HCN1: variants seen among roughly 807,000 people sequenced by gnomAD.
HCN1 encodes hyperpolarization activated cyclic nucleotide gated potassium channel 1.
Under a neutral mutation model 78.9 loss-of-function variants are expected in HCN1, and 13 were observed. The observed-to-expected ratio is 0.16, with a 90% confidence interval of 0.11 to 0.26. The LOEUF is 0.26. Among genes scored for constraint, HCN1 ranks in the 10% least tolerant of loss-of-function variants. HCN1 has a pLI of 1.00. For synonymous variants in HCN1, 552 were observed against 455.5 expected (o/e 1.21, Z -2.70); for missense variants, 810 against 1,154.3 (o/e 0.70, Z 4.32).
Position 45,695,801 on chromosome 5 carries a change from A to T in HCN1, c.293T>A (p.Phe98Tyr). 6.2e-7 allele frequency: 1 copy of T among 1,610,578 alleles called. No homozygotes were observed. The change falls in exon 1 of 8, where the codon TTC becomes TAC. Residue 98 changes from phenylalanine (F) to tyrosine (Y), a missense_variant. By Grantham distance (22) the Phe-to-Tyr change is conservative (BLOSUM62 3). This residue lies in a region of HCN1 where 170 missense variants were observed against 166.8 expected (regional missense o/e 1.02). Transcript: ENST00000303230. ...GACCCCGGGCTGCAGCATGGAGGTG[A>T]ACTGCCTCTGCATGAAGCCGTACTG... Reference protein sequence around the residue: ...RRQYGFMQRQFTSMLQPGVNK... With the variant: ...RRQYGFMQRQYTSMLQPGVNK...
intron 2 of HCN1, chr5:45,642,751 G>C (rs527397651): frequency 6.6e-6 from 1 of 152,108 alleles, no homozygotes; most frequent in Non-Finnish European, 1.5e-5. Flanking sequence ...GAAAAATCAG[G>C]TAGAGAGATT....
intron 5 of HCN1, among the ~76,000 whole-genome samples, chr5:45,307,249 G>A (rs1745754796): frequency 6.6e-6 from 1 of 152,088 alleles, no homozygotes; most frequent in African/African-American, 2.4e-5. Context: ...TAATACATAA[G>A]CTTTCTGTTT....
At chr5:45,565,574 G>A (rs891442518) in intron 2 of HCN1, among the ~76,000 whole-genome samples, 1 of 152,104 alleles carries the variant, frequency 6.6e-6, no homozygotes, top group East Asian at 1.9e-4. Context: ...TGTAATCCCA[G>A]CATTTTGGGA....
At chr5:45,542,277 T>G (rs1237191436) in intron 2 of HCN1, among the ~76,000 whole-genome samples, 2 of 152,176 alleles carry the variant, frequency 1.3e-5, no homozygotes, top group Non-Finnish European at 2.9e-5. Context: ...AGTTTTATTC[T>G]ATAGTATTCA....
chr5:45,418,996 T>C (rs1740172337), intron 3 of HCN1, among the ~76,000 whole-genome samples: 1 of 152,170 alleles, frequency 6.6e-6, no homozygotes, highest in Admixed American at 6.6e-5. Flanking sequence ...CAATTCCACT[T>C]GCATTTGTGC....
intron 2 of HCN1, among the ~76,000 whole-genome samples, chr5:45,464,494 A>T (rs890075262): frequency 8.5e-5 from 13 of 152,104 alleles, no homozygotes; most frequent in Non-Finnish European, 1.8e-4. Flanking sequence ...CATTAATATT[A>T]TGTGTTCAAA....
chr5:45,440,226 G>A (rs1249457750), intron 3 of HCN1, among the ~76,000 whole-genome samples: 1 of 151,760 alleles, frequency 6.6e-6, no homozygotes, highest in Non-Finnish European at 1.5e-5. Flanking sequence ...AGGAAATCAA[G>A]TTTACCTTCA....
At chr5:45,462,748 C>G (rs562584952) in intron 2 of HCN1, among the ~76,000 whole-genome samples, 4 of 151,936 alleles carry the variant, frequency 2.6e-5, no homozygotes, top group African/African-American at 9.7e-5. Flanking sequence ...AACATTATGA[C>G]AAATCAACAT....
intron 6 of HCN1, among the ~76,000 whole-genome samples, chr5:45,290,650 T>A (rs534239003): frequency 1.3e-5 from 2 of 152,106 alleles, no homozygotes; most frequent in African/African-American, 4.8e-5. Context: ...TAAAGGTGGC[T>A]CCAAAAGTAG....
chr5:45,455,205 G>A (rs1741005502), intron 3 of HCN1, among the ~76,000 whole-genome samples: 2 of 151,974 alleles, frequency 1.3e-5, no homozygotes, highest in South Asian at 4.1e-4. Context: ...ATTTTCAAGG[G>A]AACACAGTTT....
At chr5:45,607,743 G>A (rs1744751528) in intron 2 of HCN1, among the ~76,000 whole-genome samples, 1 of 151,522 alleles carries the variant, frequency 6.6e-6, no homozygotes, top group South Asian at 2.1e-4. Context: ...GCAACTTACT[G>A]CCTTTAATAA....
At chr5:45,441,027 A>G (rs1740667333) in intron 3 of HCN1, among the ~76,000 whole-genome samples, 1 of 152,190 alleles carries the variant, frequency 6.6e-6, no homozygotes, top group Non-Finnish European at 1.5e-5. Context: ...TTCTTTTTCC[A>G]GATATTAGCA....
At chr5:45,313,763 A>T (rs1745912196) in intron 5 of HCN1, among the ~76,000 whole-genome samples, 1 of 152,242 alleles carries the variant, frequency 6.6e-6, no homozygotes, top group Non-Finnish European at 1.5e-5. Flanking sequence ...AAGAAAGGGT[A>T]TCTGTGACTG....
At chr5:45,552,274 A>G (rs1743384430) in intron 2 of HCN1, among the ~76,000 whole-genome samples, 1 of 152,016 alleles carries the variant, frequency 6.6e-6, no homozygotes, top group Non-Finnish European at 1.5e-5. Flanking sequence ...TGTACTTCCC[A>G]TTTCTCAAAC....
intron 3 of HCN1, among the ~76,000 whole-genome samples, chr5:45,429,146 A>G (rs1740413372): frequency 6.6e-6 from 1 of 152,212 alleles, no homozygotes; most frequent in African/African-American, 2.4e-5. Context: ...GTGCACTCTG[A>G]GAATCACAGA....
intron 2 of HCN1, among the ~76,000 whole-genome samples, chr5:45,540,584 C>T (rs541837072): frequency 1.8e-4 from 27 of 152,088 alleles, no homozygotes; most frequent in Non-Finnish European, 3.1e-4. Flanking sequence ...CCTGCCTTGG[C>T]CACCTAAGGT....
intron 3 of HCN1, among the ~76,000 whole-genome samples, chr5:45,403,765 TAAGCAGTATATTATA>T (rs1739868576): frequency 6.6e-6 from 1 of 152,188 alleles, no homozygotes; most frequent in Non-Finnish European, 1.5e-5. Context: ...GTTATCCTTA[TAAGCAGTATATTATA>T]AATCAGGTAC....
intron 2 of HCN1, among the ~76,000 whole-genome samples, chr5:45,585,470 C>T (rs1180428004): frequency 2.0e-5 from 3 of 152,024 alleles, no homozygotes; most frequent in East Asian, 1.9e-4. Flanking sequence ...GCCAAGGGTT[C>T]GAACTTCCTC....
chr5:45,287,558 T>C (rs545679024), intron 6 of HCN1, among the ~76,000 whole-genome samples: 1 of 152,206 alleles, frequency 6.6e-6, no homozygotes, highest in African/African-American at 2.4e-5. Context: ...GTTTGGATTT[T>C]ACTAAATCCT....
Sources: gnomAD v4.1 joint callset for allele counts (sites outside exome capture counted in the v4.1 genomes callset) on GRCh38, gnomAD v4.1.1 for gene constraint, gnomAD v4.1.1 regional missense constraint, MANE v1.5 for transcripts, NCBI Gene and HGNC (gene_info 2026-07-23, HGNC 2026-07-21) for gene names.